YJU2B: variants seen among roughly 807,000 people sequenced by gnomAD.
The protein encoded by YJU2B is YJU2 splicing factor homolog B, also known as probable splicing factor YJU2B.
A neutral mutation model predicts 38.0 loss-of-function variants in YJU2B; 18 were observed. That is an observed-to-expected ratio of 0.47 (90% CI 0.33 to 0.70). The LOEUF (loss-of-function observed/expected upper bound fraction) is 0.70, where lower values mean the gene tolerates loss of function less well. Among genes scored for constraint, YJU2B ranks in the 30% least tolerant of loss-of-function variants. YJU2B has a pLI of 0.02. For synonymous variants in YJU2B, 246 were observed against 225.4 expected, an observed-to-expected ratio of 1.09 and a Z score of -0.82; for missense variants, 538 against 556.3, an observed-to-expected ratio of 0.97 and a Z score of 0.33.
chr19:13,755,375 C>G (rs1290385603), intron 3 of YJU2B, among the ~76,000 whole-genome samples: 1 of 151,080 alleles, frequency 6.6e-6, no homozygotes, highest in Non-Finnish European at 1.5e-5. Flanking sequence ...ACAGGAGAAT[C>G]GCTTGAACCC....
chr19:13,750,042 A>G (rs1429035361), intron 1 of YJU2B, among the ~76,000 whole-genome samples: 1 of 152,100 alleles, frequency 6.6e-6, no homozygotes, highest in Non-Finnish European at 1.5e-5. Flanking sequence ...ACCCTTATGG[A>G]GCCTCATTCA....
At chr19:13,761,783 CA>C (rs74482708) in intron 8 of YJU2B, among the ~76,000 whole-genome samples, 79,115 of 150,232 alleles carry the variant, frequency 0.53, 22,171 homozygotes, top group African/African-American at 0.74. Flanking sequence ...AGTGCAGTGA[CA>C]ACGATCTCAG....
At chr19:13,750,920 T>C (rs1599514842) in intron 1 of YJU2B, among the ~76,000 whole-genome samples, 1 of 144,412 alleles carries the variant, frequency 6.9e-6, no homozygotes, top group South Asian at 2.2e-4. Context: ...GAACAGCAGG[T>C]GCAGGCCAGC....
chr19:13,747,128 C>G (rs1973273182), upstream of YJU2B, among the ~76,000 whole-genome samples: 1 of 152,082 alleles, frequency 6.6e-6, no homozygotes, highest in Non-Finnish European at 1.5e-5. Context: ...TTAATAAGAT[C>G]GTAGGAAAGC....
upstream of YJU2B, among the ~76,000 whole-genome samples, chr19:13,743,536 T>C (rs199957190): frequency 2.1e-3 from 258 of 123,372 alleles, no homozygotes; most frequent in Middle Eastern, 0.032. Context: ...GCCGAGATCA[T>C]GCCACTGTAC....
rs779794634 is a variant in YJU2B at position 13,757,474 on chromosome 19, G to C, written c.196+1G>C. 25 of 1,613,288 alleles carry C rather than the reference G, an allele frequency of 1.5e-5. No homozygotes were observed. Among genetic ancestry groups the C allele is most frequent in the Non-Finnish European group, 2.0e-5 (24 of 1,179,642 alleles). ...GGCTGCAAGAACCACATCGGCATGG[G>C]TGAGCCTCTGCCCACCCTCCATTCA... On this transcript the variant is annotated splice_donor_variant, in intron 5 of 9. Coordinates refer to ENST00000221554, the MANE Select transcript of YJU2B (RefSeq NM_030818.4). LOFTEE classifies it high-confidence loss of function.
At chr19:13,739,266 C>A (rs1378229634) in intron 2 of YJU2B, among the ~76,000 whole-genome samples, 1 of 152,118 alleles carries the variant, frequency 6.6e-6, no homozygotes, top group Non-Finnish European at 1.5e-5. Context: ...CTGCCTCAGC[C>A]TCCCGAGTAG....
chr19:13,762,818 C>A lies in YJU2B; in HGVS notation c.941C>A (p.Pro314His). The change falls in exon 10 of 10, where the codon CCC becomes CAC. Residue 314 changes from proline to histidine, a missense_variant. Pro to His is a moderately conservative substitution (Grantham distance 77, BLOSUM62 -2). Around this residue, in one of 2 missense-constraint regions of YJU2B, gnomAD observed 488 missense variants for 469.5 expected, o/e 1.04. Coordinates refer to ENST00000221554, the MANE Select transcript of YJU2B (RefSeq NM_030818.4). ...AGCCCCCAGCATGCGGCCGACACCC[C>A]CAAGTCTGGGGAACCGCGGGTACCA... ...PESPQHAADTPKSGEPRVPEE... is the reference protein window; with the variant it reads ...PESPQHAADTHKSGEPRVPEE... The A allele has an allele frequency of 1.9e-6, 3 of 1,604,324 alleles. No individual in the cohort carries two copies. Among genetic ancestry groups the A allele is most frequent in the Non-Finnish European group, 1.7e-6 (2 of 1,176,384 alleles).
upstream of YJU2B, among the ~76,000 whole-genome samples, chr19:13,745,749 A>C (rs1219591344): frequency 5.6e-5 from 8 of 143,196 alleles, no homozygotes; most frequent in Non-Finnish European, 1.0e-4. Context: ...ATATAGATAT[A>C]TATATATATC....
upstream of YJU2B, among the ~76,000 whole-genome samples, chr19:13,745,646 C>CATAGATAGATAGATAG (rs1555699801): frequency 0.042 from 4,842 of 116,272 alleles, 150 homozygotes; most frequent in East Asian, 0.057. Flanking sequence ...AGCAAAACTC[C>CATAGATAGATAGATAG]ATAGATAGAT....
intron 2 of YJU2B, chr19:13,732,615 T>TTTG (rs1403304220): frequency 6.8e-6 from 1 of 147,478 alleles, no homozygotes; most frequent in East Asian, 2.0e-4. Context: ...TCTTTCTTTT[T>TTTG]TTTTTTTTTT....
chr19:13,749,690 T>C (rs1973383439), intron 1 of YJU2B, among the ~76,000 whole-genome samples: 1 of 148,310 alleles, frequency 6.7e-6, no homozygotes, highest in Non-Finnish European at 1.5e-5. Context: ...TGGAGTGTGG[T>C]GGCGCAATCT....
chr19:13,760,630 G>C lies in YJU2B; in HGVS notation c.573+1358G>C, dbSNP rs2112715. On this transcript the variant is annotated intron_variant, in intron 8 of 9. Coordinates refer to ENST00000221554, the MANE Select transcript of YJU2B (RefSeq NM_030818.4). Reference sequence around the variant, plus strand: ...TCTTTTTGTGACTGGGTCTCACTCTGTTGCCCAGGCTGGAGTACAGCGGCA... The same window carrying C: ...TCTTTTTGTGACTGGGTCTCACTCTCTTGCCCAGGCTGGAGTACAGCGGCA... Among the ~76,000 whole-genome samples, 1,478 of 151,392 alleles carry C rather than the reference G, an allele frequency of 9.8e-3. 64 individuals are homozygous for C. In the East Asian group the frequency reaches 0.1, roughly 11 times the overall value.
intron 6 of YJU2B, 33 bp downstream of exon 6, chr19:13,757,879 G>A (rs1258139036): frequency 8.1e-6 from 13 of 1,596,688 alleles, no homozygotes; most frequent in South Asian, 1.1e-5. Context: ...TTGGGAACAG[G>A]TGGGGTGGCC....
upstream of YJU2B, among the ~76,000 whole-genome samples, chr19:13,745,049 C>T (rs389535): frequency 0.61 from 91,680 of 151,330 alleles, 27,981 homozygotes; most frequent in Middle Eastern, 0.73. Context: ...CAAATGCATA[C>T]AACCCAAAAC....
intron 2 of YJU2B, among the ~76,000 whole-genome samples, chr19:13,742,371 C>T (rs948906378): frequency 1.0e-4 from 15 of 145,050 alleles, no homozygotes; most frequent in African/African-American, 2.9e-4. Context: ...GGCGCAATCT[C>T]GGCTCACTGC....
intron 8 of YJU2B, among the ~76,000 whole-genome samples, chr19:13,760,813 C>G (rs1973859923): frequency 6.6e-6 from 1 of 152,004 alleles, no homozygotes; most frequent in Non-Finnish European, 1.5e-5. Flanking sequence ...GCTCGTCGCC[C>G]ATGCTGCAGT....
chr19:13,745,647 A>ATAGAT (rs1555699807), upstream of YJU2B, among the ~76,000 whole-genome samples: 3 of 17,108 alleles, frequency 1.8e-4, no homozygotes, highest in Admixed American at 2.7e-3. Context: ...GCAAAACTCC[A>ATAGAT]TAGATAGATA....
intron 2 of YJU2B, 36 bp downstream of exon 2, chr19:13,751,847 C>G (rs1181112819): frequency 6.2e-7 from 1 of 1,611,830 alleles, no homozygotes; most frequent in Non-Finnish European, 8.5e-7. Context: ...GGGTTTCTCT[C>G]CCAGTCTTTG....
Sources: allele counts gnomAD v4.1 joint callset (sites outside exome capture counted in the v4.1 genomes callset), GRCh38; gene constraint gnomAD v4.1.1; regional missense constraint gnomAD v4.1.1; transcripts MANE v1.5; gene names NCBI Gene and HGNC (gene_info 2026-07-23, HGNC 2026-07-21).